Variants in MAML3 observed in about 807,000 individuals in gnomAD.
MAML3 encodes the protein mastermind like transcriptional coactivator 3, also known as mastermind-like protein 3.
In MAML3, 27 loss-of-function variants were observed where a neutral mutation model predicts 101.9. The observed-to-expected ratio is 0.27, with a 90% CI of 0.20 to 0.37. MAML3 has a LOEUF of 0.37. Ranked by LOEUF, MAML3 falls within the 10% of genes least tolerant of loss-of-function variation. The probability of loss-of-function intolerance (pLI) is 1.00; values close to 1 mark genes in which losing one functional copy is unlikely to be tolerated. For missense variants in MAML3, 1,316 were observed against 1,444.9 expected (o/e 0.91, Z 1.45); for synonymous variants, 501 against 555.9 (o/e 0.90, Z 1.39).
intron 1 of MAML3, among the ~76,000 whole-genome samples, chr4:139,996,542 G>C (rs1217043470): frequency 1.3e-5 from 2 of 152,010 alleles, no homozygotes; most frequent in Admixed American, 1.3e-4. Context: ...AAATATCCCT[G>C]TCTCTAGTAA....
rs79898515 is a variant in MAML3 at position 140,021,449 on chromosome 4, C to G, written c.469-130482G>C. 5.6e-3 allele frequency among the ~76,000 whole-genome samples: 860 copies of G among 152,274 alleles called. 6 individuals carry two copies. The highest frequency in any genetic ancestry group is 0.019 in the African/African-American group (770 of 41,556). ...ATGTGTGCCAGGCATTTTGGATACA[C>G]TATTCTAATCTTTATACATCCCTGC... On this transcript the variant is annotated intron_variant, in intron 1 of 4. Coordinates refer to ENST00000509479, the MANE Select transcript of MAML3 (RefSeq NM_018717.5).
chr4:139,750,996 AT>A (rs1317651692), intron 2 of MAML3, among the ~76,000 whole-genome samples: 1 of 152,184 alleles, frequency 6.6e-6, no homozygotes, highest in African/African-American at 2.4e-5. Context: ...GCCTCCTGTG[AT>A]TCAATCACTC....
At chr4:140,150,955 C>T (rs1158982125) in intron 1 of MAML3, among the ~76,000 whole-genome samples, 1 of 150,546 alleles carries the variant, frequency 6.6e-6, no homozygotes, top group Non-Finnish European at 1.5e-5. Context: ...GCCCCTTCTT[C>T]GCGCTCGGGG....
intron 2 of MAML3, among the ~76,000 whole-genome samples, chr4:139,852,381 G>A (rs2111156797): frequency 7.0e-6 from 1 of 142,898 alleles, no homozygotes; most frequent in South Asian, 2.3e-4. Context: ...TATTTCCAAA[G>A]CTCACCAAAA....
At chr4:139,968,209 G>A (rs540376548) in intron 1 of MAML3, among the ~76,000 whole-genome samples, 2 of 151,476 alleles carry the variant, frequency 1.3e-5, no homozygotes, top group African/African-American at 4.8e-5. Context: ...AAGTCAGGAG[G>A]CTAAGGCATG....
At chr4:140,041,276 A>G (rs1017823184) in intron 1 of MAML3, among the ~76,000 whole-genome samples, 9 of 152,108 alleles carry the variant, frequency 5.9e-5, no homozygotes, top group Non-Finnish European at 1.3e-4. Flanking sequence ...GCTAGCTCAG[A>G]CTTCATGGAG....
intron 1 of MAML3, among the ~76,000 whole-genome samples, chr4:140,152,634 C>T (rs1729195017): frequency 6.6e-6 from 1 of 152,104 alleles, no homozygotes; most frequent in African/African-American, 2.4e-5. Context: ...TGGCTTCTCC[C>T]CTCTCGCCCC....
chr4:139,994,786 G>GTGTGT (rs1553968047), intron 1 of MAML3, among the ~76,000 whole-genome samples: 15,786 of 150,152 alleles, frequency 0.11, 1,724 homozygotes, highest in East Asian at 0.53. Context: ...GCTGGTGGGG[G>GTGTGT]GTGTGTGTGT....
intron 2 of MAML3, among the ~76,000 whole-genome samples, chr4:139,803,661 C>A (rs1457552786): frequency 6.6e-6 from 1 of 152,102 alleles, no homozygotes; most frequent in African/African-American, 2.4e-5. Context: ...CTTCTGTTAC[C>A]CCAGTTCTCC....
chr4:140,069,376 A>AG, intron 1 of MAML3, among the ~76,000 whole-genome samples: 1 of 134,142 alleles, frequency 7.5e-6, no homozygotes, highest in Non-Finnish European at 1.6e-5. Flanking sequence ...AAGAAGAAGA[A>AG]GAAGAAGAAG....
In MAML3 at chr4:140,146,331, C is replaced by CA. The variant is rs923666944; in HGVS notation, c.468+6528dup. Among the ~76,000 whole-genome samples the CA allele has an allele frequency of 4.6e-5, 7 of 152,264 alleles. No individual in the cohort carries two copies. The South Asian group carries it at 1.5e-3, about 32-fold the overall frequency. On this transcript the variant is annotated intron_variant, in intron 1 of 4. Transcript: ENST00000509479. ...GGAGAAAGGAACTCAAAAACCCCTC[C>CA]ACTGTTTAACAGATGGAATTGCCAA...
At chr4:139,945,184 C>CTATATA (rs1203482412) in intron 1 of MAML3, among the ~76,000 whole-genome samples, 1 of 152,112 alleles carries the variant, frequency 6.6e-6, no homozygotes, top group East Asian at 1.9e-4. Context: ...TTTACTTGGG[C>CTATATA]TATTAAGTAA....
At chr4:140,104,388 T>TAATATA (rs1408574641) in intron 1 of MAML3, among the ~76,000 whole-genome samples, 1 of 42,110 alleles carries the variant, frequency 2.4e-5, no homozygotes, top group African/African-American at 5.3e-5. Flanking sequence ...TATATATATA[T>TAATATA]TATATATTAT....
intron 2 of MAML3, among the ~76,000 whole-genome samples, chr4:139,746,767 C>T (rs1729337153): frequency 6.6e-6 from 1 of 152,184 alleles, no homozygotes; most frequent in South Asian, 2.1e-4. Flanking sequence ...TCTTTCTGTG[C>T]ACCCACCAAA....
intron 1 of MAML3, among the ~76,000 whole-genome samples, chr4:139,933,317 T>C (rs949004537): frequency 3.3e-5 from 5 of 152,156 alleles, no homozygotes; most frequent in African/African-American, 1.2e-4. Flanking sequence ...CCCATGAGCA[T>C]CCTTAGAGCC....
At chr4:139,823,787 C>T (rs1288652173) in intron 2 of MAML3, among the ~76,000 whole-genome samples, 1 of 150,442 alleles carries the variant, frequency 6.6e-6, no homozygotes, top group African/African-American at 2.5e-5. Context: ...CTTTTTTATC[C>T]GCTCACAGAT....
intron 1 of MAML3, among the ~76,000 whole-genome samples, chr4:140,076,615 C>A (rs1360241561): frequency 6.6e-6 from 1 of 152,184 alleles, no homozygotes; most frequent in African/African-American, 2.4e-5. Context: ...TTGAGGCTTC[C>A]AGAAAGTGCC....
intron 2 of MAML3, among the ~76,000 whole-genome samples, chr4:139,763,657 T>A (rs991975211): frequency 6.6e-6 from 1 of 152,206 alleles, no homozygotes; most frequent in Non-Finnish European, 1.5e-5. Context: ...TTTGGCTGAA[T>A]CCTGGACTGA....
intron 1 of MAML3, among the ~76,000 whole-genome samples, chr4:140,144,572 A>G (rs1729026630): frequency 6.6e-6 from 1 of 152,036 alleles, no homozygotes; most frequent in Non-Finnish European, 1.5e-5. Context: ...AAAAGAATTA[A>G]AGGAATCCTA....
Sources: allele counts gnomAD v4.1 joint callset (sites outside exome capture counted in the v4.1 genomes callset), GRCh38; gene constraint gnomAD v4.1.1; transcripts MANE v1.5; gene names NCBI Gene and HGNC (gene_info 2026-07-23, HGNC 2026-07-21).